Variants in MTFR1 observed in about 807,000 individuals in gnomAD.
MTFR1 encodes mitochondrial fission regulator 1, also known as chondrocyte protein with a poly-proline region.
Under a neutral mutation model 38.8 loss-of-function variants are expected in MTFR1, and 28 were observed. The observed-to-expected ratio is 0.72, with a 90% CI of 0.53 to 0.99. The LOEUF (loss-of-function observed/expected upper bound fraction) is 0.99. Ranked by LOEUF, MTFR1 falls within the 50% of genes least tolerant of loss-of-function variation. MTFR1 has a pLI of 0.00. For missense variants in MTFR1, 358 were observed against 395.5 expected (o/e 0.91, Z 0.81); for synonymous variants, 145 against 137.0 (o/e 1.06, Z -0.41).
rs576333567 is a variant in MTFR1, at chr8:65,717,831, C to A, written c.382-1549C>A. The A allele has an allele frequency of 2.0e-5, 3 of 152,282 alleles. No individual in the cohort carries two copies. In the East Asian group the frequency reaches 5.8e-4, roughly 29 times the overall value. 9.4% of individuals were successfully genotyped at this position (152,282 alleles called of 1,614,324 possible). ...CAACAAACTGTAAACAATTAATAAA[C>A]AGTCTTTTACAGTAACAAGGGAAAT... On this transcript the variant is annotated intron_variant, in intron 2 of 3. Coordinates refer to the MTFR1 transcript ENST00000521247.
At chr8:65,674,089 A>G (rs1224331391) in intron 2 of MTFR1, among the ~76,000 whole-genome samples, 1 of 152,100 alleles carries the variant, frequency 6.6e-6, no homozygotes, top group Non-Finnish European at 1.5e-5. Flanking sequence ...AGTGAAATGC[A>G]TTCCCAGCTA....
intron 3 of MTFR1, among the ~76,000 whole-genome samples, chr8:65,736,336 CA>C (rs1176179077): frequency 6.6e-6 from 1 of 152,184 alleles, no homozygotes; most frequent in Non-Finnish European, 1.5e-5. Flanking sequence ...TGGAATTTTC[CA>C]TTTAATATTT....
chr8:65,697,611 C>A (rs1267188881), intron 4 of MTFR1, among the ~76,000 whole-genome samples: 1 of 152,088 alleles, frequency 6.6e-6, no homozygotes, highest in Non-Finnish European at 1.5e-5. Context: ...TTTTGAGTGA[C>A]TGACTATAAG....
intron 3 of MTFR1, chr8:65,689,443 C>A (rs1355863589): frequency 2.3e-6 from 1 of 427,530 alleles, no homozygotes. Flanking sequence ...AGTAAGATTT[C>A]TAAAATAAAA....
intron 1 of MTFR1, among the ~76,000 whole-genome samples, chr8:65,661,451 A>G (rs1351635304): frequency 6.6e-6 from 1 of 152,142 alleles, no homozygotes; most frequent in East Asian, 1.9e-4. Flanking sequence ...AGACTGGCCA[A>G]CATGGTGAAA....
intron 3 of MTFR1, among the ~76,000 whole-genome samples, chr8:65,740,655 C>T (rs1175976063): frequency 1.3e-5 from 2 of 152,186 alleles, no homozygotes; most frequent in African/African-American, 4.8e-5. Context: ...CCGCCTCGGC[C>T]TCCCAAAGTG....
At chr8:65,770,594 T>C (rs1042325134) in intron 3 of MTFR1, among the ~76,000 whole-genome samples, 1 of 152,144 alleles carries the variant, frequency 6.6e-6, no homozygotes, top group Non-Finnish European at 1.5e-5. Flanking sequence ...CATATCAACC[T>C]CTAAACACTT....
chr8:65,725,002 C>G, intron 3 of MTFR1: 1 of 865,040 alleles, frequency 1.2e-6, no homozygotes, highest in Non-Finnish European at 1.7e-6. Flanking sequence ...CCATAATAAT[C>G]GGAAGGCTTT....
intron 3 of MTFR1, among the ~76,000 whole-genome samples, chr8:65,767,508 C>T (rs1461132511): frequency 1.3e-5 from 2 of 152,216 alleles, no homozygotes; most frequent in Non-Finnish European, 2.9e-5. Context: ...AGGAAACAAT[C>T]TCTCCAATAT....
intron 3 of MTFR1, among the ~76,000 whole-genome samples, chr8:65,746,379 T>A (rs1585862424): frequency 6.6e-6 from 1 of 152,324 alleles, no homozygotes; most frequent in East Asian, 1.9e-4. Flanking sequence ...TACCACACCA[T>A]GCTTAAATTA....
chr8:65,717,747 G>C (rs1483865634), intron 2 of MTFR1: 2 of 152,166 alleles, frequency 1.3e-5, no homozygotes, highest in African/African-American at 2.4e-5. Context: ...AAATGAGTAT[G>C]GCAAAGCCTT....
chr8:65,768,273 T>A (rs959716718), intron 3 of MTFR1, among the ~76,000 whole-genome samples: 4 of 152,210 alleles, frequency 2.6e-5, no homozygotes, highest in Non-Finnish European at 5.9e-5. Flanking sequence ...GCCACTAGTA[T>A]AATTCTGATA....
rs551471575 is a variant in MTFR1, at chr8:65,700,349, TAAAAAAA to T, written c.282-4334_282-4328del. 1.1e-3 allele frequency among the ~76,000 whole-genome samples: 120 copies of T among 106,812 alleles called. 1 individual carries two copies. The highest frequency in any genetic ancestry group is 1.8e-3 in the South Asian group (6 of 3,364). The allele number at this position is 106,812 out of a possible 152,430, so 70.1% of individuals were successfully genotyped here. A position where few individuals can be genotyped will look rare whatever the true frequency, so the allele number is the denominator to read the frequency against. ...CTCAGCAATGGATCGAGACCTATCT[TAAAAAAA>T]AAAAAAAAAAGAAAAAAGAAAACAA... On this transcript the variant is annotated intron_variant, in intron 4 of 7. Coordinates refer to ENST00000262146, the MANE Select transcript of MTFR1 (RefSeq NM_014637.4).
intron 3 of MTFR1, chr8:65,727,120 A>T: frequency 8.3e-7 from 1 of 1,210,412 alleles, no homozygotes; most frequent in Non-Finnish European, 1.2e-6. Flanking sequence ...AATATGAAAG[A>T]TTTTCTAGAA....
chr8:65,680,883 G>A (rs1287684571), intron 2 of MTFR1, among the ~76,000 whole-genome samples: 2 of 150,688 alleles, frequency 1.3e-5, no homozygotes, highest in Non-Finnish European at 3.0e-5. Flanking sequence ...TCCGCTTCCT[G>A]GGTTCAAGCA....
chr8:65,734,436 T>C (rs894907361), intron 3 of MTFR1, among the ~76,000 whole-genome samples: 3 of 152,152 alleles, frequency 2.0e-5, no homozygotes, highest in Admixed American at 6.5e-5. Flanking sequence ...CCAGGATAAT[T>C]TTCTAAAGTC....
At chr8:65,734,685 G>T in intron 3 of MTFR1, 1 of 673,308 alleles carries the variant, frequency 1.5e-6, no homozygotes, top group East Asian at 2.6e-5. Flanking sequence ...TTCTTGTGAA[G>T]GAAGTCTGTG....
At chr8:65,726,435 T>G (rs1197224300) in intron 3 of MTFR1, among the ~76,000 whole-genome samples, 1 of 152,208 alleles carries the variant, frequency 6.6e-6, no homozygotes, top group African/African-American at 2.4e-5. Flanking sequence ...AGGCACTCTC[T>G]TTACTTTCTT....
intron 3 of MTFR1, 31 bp from the exon 4 acceptor site, chr8:65,693,613 G>A: frequency 6.3e-7 from 1 of 1,589,684 alleles, no homozygotes; most frequent in Admixed American, 1.7e-5. Flanking sequence ...GCCATCTTTG[G>A]TGAAGAACTT....
Sources: allele counts gnomAD v4.1 joint callset (sites outside exome capture counted in the v4.1 genomes callset), GRCh38; gene constraint gnomAD v4.1.1; transcripts MANE v1.5; gene names NCBI Gene and HGNC (gene_info 2026-07-23, HGNC 2026-07-21).